GIGYF2: variants seen among roughly 807,000 people sequenced by gnomAD.
GIGYF2 encodes the protein GRB10-interacting GYF protein 2.
A neutral mutation model predicts 208.1 loss-of-function variants in GIGYF2; 25 were observed. The observed-to-expected ratio is 0.12, with a 90% CI of 0.09 to 0.17. GIGYF2 has a LOEUF of 0.17. Among genes scored for constraint, GIGYF2 ranks in the 10% least tolerant of loss-of-function variants. The pLI, the probability that GIGYF2 is intolerant of heterozygous loss-of-function variation, is 1.00. For synonymous variants in GIGYF2, 534 were observed against 543.8 expected (o/e 0.98, Z 0.25); for missense variants, 1,302 against 1,579.4 (o/e 0.82, Z 2.98).
chr2:232,714,601 A>G (rs1206503509), intron 2 of GIGYF2, among the ~76,000 whole-genome samples: 1 of 152,196 alleles, frequency 6.6e-6, no homozygotes, highest in Non-Finnish European at 1.5e-5. Context: ...GTTTTCAGAA[A>G]TGCACACACT....
chr2:232,767,981 T>C lies in GIGYF2; in HGVS notation c.532+6545T>C, dbSNP rs925095151. 72 of 569,762 alleles carry C rather than the reference T, an allele frequency of 1.3e-4. No homozygotes were observed. The Admixed American group carries it at 1.9e-3, about 15-fold the overall frequency. 35.3% of individuals were successfully genotyped at this position (569,762 alleles called of 1,614,324 possible). ...TGTCTGTCAAGTTGAGTTACATTGA[T>C]TTCAGCAGGTAACAAACTTTGTAAT... On this transcript the variant is annotated intron_variant, in intron 8 of 28. Coordinates refer to ENST00000373563, the MANE Select transcript of GIGYF2 (RefSeq NM_001103146.3).
chr2:232,857,254 T>TC lies in GIGYF2; in HGVS notation c.*400dup, dbSNP rs1269683903. 1 of 315,412 alleles carries TC rather than the reference T, an allele frequency of 3.2e-6. No individual in the cohort carries two copies. The highest frequency in any genetic ancestry group is 6.1e-6 in the Non-Finnish European group (1 of 163,990). 19.5% of individuals were successfully genotyped at this position (315,412 alleles called of 1,614,324 possible). On this transcript the variant is annotated 3_prime_UTR_variant, in exon 29 of 29. Coordinates refer to ENST00000373563, the MANE Select transcript of GIGYF2 (RefSeq NM_001103146.3). ...CTATTTTGTTTTTTCTTCTTCTTTT[T>TC]CCCCCCATCAGGGCAAATGGTCTAA...
intron 2 of GIGYF2, among the ~76,000 whole-genome samples, chr2:232,713,633 A>G (rs1324164770): frequency 6.6e-6 from 1 of 152,172 alleles, no homozygotes; most frequent in East Asian, 1.9e-4. Context: ...ACCATGTTAT[A>G]CCTAGTCATG....
At chr2:232,780,310 C>CT (rs1699670068) in intron 8 of GIGYF2, among the ~76,000 whole-genome samples, 1 of 152,100 alleles carries the variant, frequency 6.6e-6, no homozygotes, top group Non-Finnish European at 1.5e-5. Context: ...ACTTAATAAA[C>CT]TAAGATTGAA....
chr2:232,858,484 AC>A lies in GIGYF2; in HGVS notation c.*1625del, dbSNP rs1255968192. On this transcript the variant is annotated 3_prime_UTR_variant, in exon 29 of 29. Coordinates refer to ENST00000373563, the MANE Select transcript of GIGYF2 (RefSeq NM_001103146.3). Reference sequence around the variant, plus strand: ...GAAACCATTAAAAGTTGGGGCTCCTACTCTCCTTTGCTTTGTAAATTCAAAA... The same window carrying A: ...GAAACCATTAAAAGTTGGGGCTCCTATCTCCTTTGCTTTGTAAATTCAAAA... 2.2e-6 allele frequency: 1 copy of A among 455,932 alleles called. No homozygotes were observed. Among genetic ancestry groups the A allele is most frequent in the Non-Finnish European group, 4.4e-6 (1 of 226,718 alleles). The allele number at this position is 455,932 out of a possible 1,614,324, so 28.2% of individuals were successfully genotyped here.
intron 16 of GIGYF2, 149 bp from the exon 17 acceptor site, chr2:232,811,095 A>T (rs1700720305): frequency 1.6e-6 from 1 of 623,474 alleles, no homozygotes; most frequent in African/African-American, 1.8e-5. Flanking sequence ...TGTGTCTATT[A>T]TCATAATGAA....
Position 232,707,367 on chromosome 2 carries a change from C to T in GIGYF2, c.-44+3878C>T, listed in dbSNP as rs1477995020. ...GAGGTTTAAAATTCCTCCTGTACAA[C>T]AAGAATTTGGTTGTACAGACTGACA... On this transcript the variant is annotated intron_variant, in intron 2 of 28. Transcript: ENST00000373563. 3.3e-5 allele frequency among the ~76,000 whole-genome samples: 5 copies of T among 152,126 alleles called. 1 individual carries two copies. Among genetic ancestry groups the T allele is most frequent in the Admixed American group, 1.3e-4 (2 of 15,270 alleles).
At chr2:232,845,975 C>A (rs982930118) in intron 26 of GIGYF2, 89 bp downstream of exon 26, 19 of 848,836 alleles carry the variant, frequency 2.2e-5, no homozygotes, top group South Asian at 7.1e-5. Context: ...GGCCAAAAGT[C>A]AAAAGATGAA....
chr2:232,787,068 CT>C, intron 8 of GIGYF2, 81 bp from the exon 9 acceptor site: 1 of 999,450 alleles, frequency 1.0e-6, no homozygotes, highest in Admixed American at 1.7e-5. Flanking sequence ...TGCAGGAAAG[CT>C]TGATTTGAGC....
At chr2:232,808,527 A>G (rs552346484) in intron 15 of GIGYF2, among the ~76,000 whole-genome samples, 3 of 151,872 alleles carry the variant, frequency 2.0e-5, no homozygotes, top group Non-Finnish European at 4.4e-5. Context: ...TTAGTTTTTC[A>G]TGTAGACATT....
At chr2:232,770,790 A>G (rs777633027) in intron 8 of GIGYF2, 15 of 750,074 alleles carry the variant, frequency 2.0e-5, no homozygotes, top group Non-Finnish European at 2.9e-5. Flanking sequence ...CAATATAGAT[A>G]AATTATTCTG....
chr2:232,781,539 T>C (rs1699723937), intron 8 of GIGYF2, among the ~76,000 whole-genome samples: 1 of 152,206 alleles, frequency 6.6e-6, no homozygotes, highest in Admixed American at 6.5e-5. Context: ...ATAAAATTTT[T>C]ATATTGAAGA....
chr2:232,837,493 C>T (rs1004245364), intron 22 of GIGYF2, among the ~76,000 whole-genome samples: 1 of 152,126 alleles, frequency 6.6e-6, no homozygotes, highest in African/African-American at 2.4e-5. Flanking sequence ...CTGGCTCTGT[C>T]GCCCAGGCTG....
intron 23 of GIGYF2, among the ~76,000 whole-genome samples, 173 bp downstream of exon 23, chr2:232,840,144 A>G (rs1701773568): frequency 6.6e-6 from 1 of 152,232 alleles, no homozygotes; most frequent in Admixed American, 6.5e-5. Context: ...AATGTGAAGG[A>G]TCTCATAGGT....
intron 8 of GIGYF2, chr2:232,771,479 C>G: frequency 1.4e-6 from 1 of 694,952 alleles, no homozygotes; most frequent in African/African-American, 1.8e-5. Flanking sequence ...GAATGCTTCT[C>G]TAACCACAAC....
At position 232,836,306 on chromosome 2, in the gene GIGYF2, ATATATATATATATATATATAT is replaced by A. The variant is rs1559160568; in HGVS notation, c.2766+3214_2766+3234del. ...TATATATATATATATATATATATATATATATATATATATATATATATATACATATATATACTTATATATTTA... is the reference window on the plus strand; with the variant it reads ...TATATATATATATATATATATATATAATACATATATATACTTATATATTTA... On this transcript the variant is annotated intron_variant, in intron 22 of 28. Coordinates refer to ENST00000373563, the MANE Select transcript of GIGYF2 (RefSeq NM_001103146.3). 3.3e-3 allele frequency among the ~76,000 whole-genome samples: 66 copies of A among 20,156 alleles called. 5 individuals are homozygous for A. The highest frequency in any genetic ancestry group is 5.8e-3 in the East Asian group (7 of 1,208). 13.2% of individuals were successfully genotyped at this position (20,156 alleles called of 152,430 possible).
At chr2:232,717,156 C>T (rs2106266283) in intron 2 of GIGYF2, among the ~76,000 whole-genome samples, 1 of 152,078 alleles carries the variant, frequency 6.6e-6, no homozygotes, top group Non-Finnish European at 1.5e-5. Flanking sequence ...ATTTATTTAA[C>T]ACAACTGGAG....
intron 2 of GIGYF2, chr2:232,705,553 G>A (rs1458780663): frequency 6.6e-6 from 1 of 152,242 alleles, no homozygotes; most frequent in African/African-American, 2.4e-5. Flanking sequence ...TTACAGGCAT[G>A]CGCCACCACA....
At chr2:232,736,084 G>T in intron 3 of GIGYF2, 1 of 965,210 alleles carries the variant, frequency 1.0e-6, no homozygotes. Context: ...TATCCTATTA[G>T]AAATATTTCT....
Sources: gnomAD v4.1 joint callset for allele counts (sites outside exome capture counted in the v4.1 genomes callset) on GRCh38, gnomAD v4.1.1 for gene constraint, MANE v1.5 for transcripts, NCBI Gene and HGNC (gene_info 2026-07-23, HGNC 2026-07-21) for gene names.